The following TTC32 variants were observed in gnomAD, a reference collection of about 807,000 sequenced individuals.
The protein encoded by TTC32 is tetratricopeptide repeat domain 32.
In TTC32, 16 loss-of-function variants were observed where a neutral mutation model predicts 15.3. The ratio of observed to expected loss-of-function variants is 1.05; its 90% CI spans 0.71 to 1.59. The LOEUF is 1.59. Among genes scored for constraint, TTC32 ranks in the 40% most tolerant of loss-of-function variants. The probability of loss-of-function intolerance (pLI) is 0.00; values close to 1 mark genes in which losing one functional copy is unlikely to be tolerated. For synonymous variants in TTC32, 89 were observed against 67.8 expected, an observed-to-expected ratio of 1.31 and a Z score of -1.53; for missense variants, 188 against 181.9, an observed-to-expected ratio of 1.03 and a Z score of -0.19.
In TTC32 at chr2:19,901,722, C is replaced by T. The variant is rs1238765222; in HGVS notation, c.133G>A (p.Asp45Asn). Residue 45 changes from aspartate (D) to asparagine (N), a missense_variant, in exon 1 of 3, where the codon GAC (aspartate) becomes AAC (asparagine). Asp to Asn is a conservative substitution (Grantham distance 23). Coordinates refer to ENST00000333610, the MANE Select transcript of TTC32 (RefSeq NM_001008237.3). ...IRRCACAASS[D>N]ESPGSKCSPE... ...GATAGTTACCTCCCGGGACTCTCGT[C>T]GCTGGAGGCCGCGCAAGCGCACCGG... The T allele has an allele frequency of 6.2e-7, 1 of 1,612,808 alleles. No homozygotes were observed. The highest frequency in any genetic ancestry group is 8.5e-7 in the Non-Finnish European group (1 of 1,179,092).
intron 2 of TTC32, among the ~76,000 whole-genome samples, chr2:19,897,355 GA>G (rs1669525883): frequency 1.3e-5 from 2 of 152,112 alleles, no homozygotes; most frequent in Admixed American, 1.3e-4. Context: ...TTTATTTATT[GA>G]GATTTAACAG....
chr2:19,900,719 C>G (rs1669586047), intron 1 of TTC32, among the ~76,000 whole-genome samples: 1 of 152,178 alleles, frequency 6.6e-6, no homozygotes, highest in South Asian at 2.1e-4. Context: ...AGAAAGTCAG[C>G]GAATCGTTAT....
chr2:19,901,695 G>A lies in TTC32; in HGVS notation c.149+11C>T. The A allele has an allele frequency of 6.2e-7, 1 of 1,606,068 alleles. No homozygotes were observed. On this transcript the variant is annotated intron_variant, in intron 1 of 2. Coordinates refer to ENST00000333610, the MANE Select transcript of TTC32 (RefSeq NM_001008237.3). ...CGGGGTCGCCGCGGCCCCAGGTCTC[G>A]CGATAGTTACCTCCCGGGACTCTCG...
chr2:19,896,843 A>C lies in TTC32; in HGVS notation c.*144T>G, dbSNP rs575540587. The C allele has an allele frequency of 3.2e-6, 2 of 633,020 alleles. No individual in the cohort carries two copies. Among genetic ancestry groups the C allele is most frequent in the African/African-American group, 3.8e-5 (2 of 52,000 alleles). The allele number at this position is 633,020 out of a possible 1,614,324, so 39.2% of individuals were successfully genotyped here. Reference sequence around the variant, plus strand: ...AAAAAAACCCATTCAACCTGAAATTAACTACCTTAAACACACTATTTAACT... The same window carrying C: ...AAAAAAACCCATTCAACCTGAAATTCACTACCTTAAACACACTATTTAACT... On this transcript the variant is annotated 3_prime_UTR_variant, in exon 3 of 3. Transcript: ENST00000333610.
chr2:19,901,196 C>A, intron 1 of TTC32: 2 of 372,578 alleles, frequency 5.4e-6, no homozygotes, highest in South Asian at 1.9e-5. Flanking sequence ...TGCTCTCTTC[C>A]ACATATTTAA....
At chr2:19,901,263 G>C (rs944759520) in intron 1 of TTC32, 2 of 323,844 alleles carry the variant, frequency 6.2e-6, no homozygotes, top group Non-Finnish European at 1.2e-5. Context: ...ACTGAGATGG[G>C]AGTCGCGGTA....
intron 1 of TTC32, among the ~76,000 whole-genome samples, chr2:19,900,799 A>G (rs1417627670): frequency 3.9e-5 from 6 of 152,256 alleles, no homozygotes; most frequent in Admixed American, 6.5e-5. Context: ...TCTGAATTCA[A>G]TTGGATCAAA....
In TTC32 at chr2:19,901,929, C is replaced by T. The variant is rs1669615269; in HGVS notation, c.-75G>A. 3.2e-6 allele frequency: 5 copies of T among 1,561,744 alleles called. No individual in the cohort carries two copies. The African/African-American group carries it at 5.4e-5, about 17-fold the overall frequency. On this transcript the variant is annotated 5_prime_UTR_variant, in exon 1 of 3. It adds an upstream start codon to the 5' untranslated region. Coordinates refer to ENST00000333610, the MANE Select transcript of TTC32 (RefSeq NM_001008237.3). ...GGTTAGAGGTGGCACCACAAAGCCA[C>T]TTCCACACCCTGGAATCTACCTTGA... is the stretch of plus-strand genomic sequence containing the variant.
rs767524758 is a variant in TTC32 at position 19,901,819 on chromosome 2, TA to T, written c.35del (p.Leu12GlnfsTer74). The T allele has an allele frequency of 6.2e-7, 1 of 1,614,164 alleles. No homozygotes were observed. The highest frequency in any genetic ancestry group is 8.5e-7 in the Non-Finnish European group (1 of 1,179,994). ...TGTTGAAATGAGCCTGGGCGAGTGT[TA>T]GGGTTGCGTGGCTTTCTTGCCGCTG... is the stretch of plus-strand genomic sequence containing the variant. ...EGQRQESHATLTLAQAHFNNG... is the reference protein window; with the variant it reads ...EGQRQESHATXTLAQAHFNNG... On this transcript the variant is annotated frameshift_variant, in exon 1 of 3. Transcript: ENST00000333610. LOFTEE classifies it high-confidence loss of function.
intron 1 of TTC32, 35 bp downstream of exon 1, chr2:19,901,671 G>T: frequency 6.3e-7 from 1 of 1,596,528 alleles, no homozygotes; most frequent in Non-Finnish European, 8.5e-7. Context: ...GCCTCCACCC[G>T]GGGTCGCCGC....
intron 1 of TTC32, among the ~76,000 whole-genome samples, chr2:19,900,073 T>A (rs1572292072): frequency 6.6e-6 from 1 of 152,234 alleles, no homozygotes; most frequent in African/African-American, 2.4e-5. Flanking sequence ...TACTGCGCTA[T>A]GACAAACTGT....
At chr2:19,901,536 C>T in intron 1 of TTC32, 170 bp downstream of exon 1, 1 of 879,350 alleles carries the variant, frequency 1.1e-6, no homozygotes, top group Non-Finnish European at 1.7e-6. Flanking sequence ...CGCCCTCGTC[C>T]TAGGCCTCGC....
rs753356232 is a variant in TTC32 at position 19,896,964 on chromosome 2, A to G, written c.*23T>C. ...ATGCAGATGTAAGGATCATGAATCA[A>G]TACTTCCATTAAGTTAAAAATATCA... On this transcript the variant is annotated 3_prime_UTR_variant, in exon 3 of 3. Transcript: ENST00000333610. 21 of 1,548,470 alleles carry G rather than the reference A, an allele frequency of 1.4e-5. No homozygotes were observed. Among genetic ancestry groups the G allele is most frequent in the Middle Eastern group, 4.6e-4 (2 of 4,372 alleles).
chr2:19,897,584 C>G (rs1000167483), intron 2 of TTC32, among the ~76,000 whole-genome samples: 4 of 152,190 alleles, frequency 2.6e-5, no homozygotes, highest in African/African-American at 9.7e-5. Flanking sequence ...AGGTGAACAT[C>G]TGAATTGCCC....
At chr2:19,897,344 G>A (rs1190687286) in intron 2 of TTC32, among the ~76,000 whole-genome samples, 1 of 152,042 alleles carries the variant, frequency 6.6e-6, no homozygotes, top group East Asian at 1.9e-4. Context: ...TTAGCTATGG[G>A]TTTATTTATT....
chr2:19,901,963 C>T lies in TTC32; in HGVS notation c.-109G>A, dbSNP rs985462057. On this transcript the variant is annotated 5_prime_UTR_variant, in exon 1 of 3. Coordinates refer to ENST00000333610, the MANE Select transcript of TTC32 (RefSeq NM_001008237.3). ...CCTGGAATCTACCTTGACAGCCAACCTTGGCGCTAGGTTTGTGCCTTATGG... is the reference window on the plus strand; with the variant it reads ...CCTGGAATCTACCTTGACAGCCAACTTTGGCGCTAGGTTTGTGCCTTATGG... 1.4e-6 allele frequency: 2 copies of T among 1,388,506 alleles called. No individual in the cohort carries two copies. Among genetic ancestry groups the T allele is most frequent in the Admixed American group, 4.0e-5 (2 of 50,536 alleles). 86.0% of individuals were successfully genotyped at this position (1,388,506 alleles called of 1,614,324 possible). A position where few individuals can be genotyped will look rare whatever the true frequency, so the allele number is the denominator to read the frequency against.
chr2:19,901,874 T>G lies in TTC32; in HGVS notation c.-20A>C, dbSNP rs1306308663. 1 of 1,613,666 alleles carries G rather than the reference T, an allele frequency of 6.2e-7. No individual in the cohort carries two copies. Among genetic ancestry groups the G allele is most frequent in the Non-Finnish European group, 8.5e-7 (1 of 1,179,824 alleles). On this transcript the variant is annotated 5_prime_UTR_variant, in exon 1 of 3. Transcript: ENST00000333610. ...TTCCATAGCAGCCAAGGCCTAGTTTTCGGTGTAGAATGGGGGTTGACCTCC... is the reference window on the plus strand; with the variant it reads ...TTCCATAGCAGCCAAGGCCTAGTTTGCGGTGTAGAATGGGGGTTGACCTCC...
intron 1 of TTC32, among the ~76,000 whole-genome samples, chr2:19,899,430 T>C (rs1347523618): frequency 1.3e-5 from 2 of 151,946 alleles, no homozygotes; most frequent in Admixed American, 1.3e-4. Flanking sequence ...ACTAATTATA[T>C]ATTCGTAATA....
intron 1 of TTC32, among the ~76,000 whole-genome samples, chr2:19,900,199 G>A (rs994029533): frequency 1.3e-5 from 2 of 152,202 alleles, no homozygotes; most frequent in South Asian, 2.1e-4. Flanking sequence ...CATACCTGAT[G>A]CTGATAAATA....
Sources: gnomAD v4.1 joint callset for allele counts (sites outside exome capture counted in the v4.1 genomes callset) on GRCh38, gnomAD v4.1.1 for gene constraint, MANE v1.5 for transcripts, NCBI Gene and HGNC (gene_info 2026-07-23, HGNC 2026-07-21) for gene names.